Variants in FHIT observed in about 807,000 individuals in gnomAD.
FHIT encodes the protein bis(5'-adenosyl)-triphosphatase.
FHIT carries 19 observed loss-of-function variants against 17.9 expected under a neutral mutation model. The ratio of observed to expected loss-of-function variants is 1.06; its 90% CI spans 0.74 to 1.56. The LOEUF (loss-of-function observed/expected upper bound fraction) is 1.56. Ranked by LOEUF, FHIT falls within the 40% of genes most tolerant of loss-of-function variation. The pLI, the probability that FHIT is intolerant of heterozygous loss-of-function variation, is 0.00. For missense variants in FHIT, 248 were observed against 189.2 expected (o/e 1.31, Z -1.82); for synonymous variants, 81 against 69.7 (o/e 1.16, Z -0.81).
intron 8 of FHIT, among the ~76,000 whole-genome samples, chr3:59,834,664 C>T (rs993931202): frequency 9.2e-5 from 14 of 152,108 alleles, no homozygotes; most frequent in Non-Finnish European, 1.8e-4. Context: ...TATAAGGGCA[C>T]TAATCCCATT....
At chr3:59,796,109 A>G (rs924529893) in intron 8 of FHIT, among the ~76,000 whole-genome samples, 6 of 152,104 alleles carry the variant, frequency 3.9e-5, no homozygotes, top group Non-Finnish European at 1.5e-5. Flanking sequence ...GATTCTCCCT[A>G]ATTTGCTTTC....
At chr3:60,180,769 T>A (rs549076475) in intron 5 of FHIT, among the ~76,000 whole-genome samples, 2 of 152,276 alleles carry the variant, frequency 1.3e-5, no homozygotes, top group East Asian at 3.9e-4. Context: ...TATTTAAATT[T>A]TGGAATTTTA....
In FHIT at chr3:60,943,459, T is replaced by G. The variant is rs72891211; in HGVS notation, c.-111+98588A>C. Reference sequence around the variant, plus strand: ...AATGATATTTATATGATGTATTATGTCAATTTCATCTATTTTCTCTTAATC... The same window carrying G: ...AATGATATTTATATGATGTATTATGGCAATTTCATCTATTTTCTCTTAATC... On this transcript the variant is annotated intron_variant, in intron 3 of 9. Coordinates refer to ENST00000492590, the MANE Select transcript of FHIT (RefSeq NM_002012.4). Among the ~76,000 whole-genome samples, 1,295 of 152,282 alleles carry G rather than the reference T, an allele frequency of 8.5e-3. 18 individuals are homozygous for G. The highest frequency in any genetic ancestry group is 0.028 in the African/African-American group (1,184 of 41,566).
chr3:60,156,212 C>A (rs181221005), intron 5 of FHIT, among the ~76,000 whole-genome samples: 3 of 151,552 alleles, frequency 2.0e-5, no homozygotes, highest in Non-Finnish European at 4.4e-5. Context: ...ATTAGCAGGG[C>A]GTGGTGATGC....
chr3:60,029,879 T>G (rs538612950), intron 5 of FHIT, among the ~76,000 whole-genome samples: 1 of 131,402 alleles, frequency 7.6e-6, no homozygotes, highest in African/African-American at 2.8e-5. Flanking sequence ...CATAGAAGCA[T>G]TGTGTGTGTG....
chr3:60,247,572 A>C (rs1705467143), intron 5 of FHIT, among the ~76,000 whole-genome samples: 3 of 152,276 alleles, frequency 2.0e-5, no homozygotes, highest in African/African-American at 7.2e-5. Context: ...CAAAAACAGC[A>C]GTAATCTTAT....
intron 5 of FHIT, among the ~76,000 whole-genome samples, chr3:60,101,099 C>T (rs907783740): frequency 2.0e-5 from 3 of 152,216 alleles, no homozygotes; most frequent in Non-Finnish European, 4.4e-5. Flanking sequence ...GCAGTATCTG[C>T]TCTTAACTGA....
intron 8 of FHIT, among the ~76,000 whole-genome samples, chr3:59,849,238 T>C (rs772376791): frequency 3.9e-5 from 6 of 152,078 alleles, no homozygotes; most frequent in Non-Finnish European, 7.4e-5. Flanking sequence ...ACAGGTGTTG[T>C]GGTGCACGTC....
chr3:60,046,743 G>A (rs900163151), intron 5 of FHIT, among the ~76,000 whole-genome samples: 9 of 152,158 alleles, frequency 5.9e-5, no homozygotes, highest in African/African-American at 9.7e-5. Flanking sequence ...TAAACAGTGG[G>A]CTTGGTAGCA....
intron 4 of FHIT, among the ~76,000 whole-genome samples, chr3:60,696,292 A>G (rs1370226266): frequency 1.3e-5 from 2 of 152,170 alleles, no homozygotes; most frequent in Non-Finnish European, 2.9e-5. Context: ...AGTTCTCCAT[A>G]CGTTGAAAAG....
At chr3:60,091,498 T>C (rs1304116717) in intron 5 of FHIT, among the ~76,000 whole-genome samples, 1 of 152,154 alleles carries the variant, frequency 6.6e-6, no homozygotes, top group East Asian at 1.9e-4. Context: ...CAGAACATTC[T>C]TCTCTGGAGC....
At chr3:60,989,933 G>A (rs902603157) in intron 3 of FHIT, among the ~76,000 whole-genome samples, 4 of 152,094 alleles carry the variant, frequency 2.6e-5, no homozygotes, top group East Asian at 1.9e-4. Flanking sequence ...GGCAAGGGAC[G>A]CAATTTGATG....
At chr3:59,940,320 TA>T (rs34023165) in intron 7 of FHIT, among the ~76,000 whole-genome samples, 2 of 152,084 alleles carry the variant, frequency 1.3e-5, no homozygotes, top group Non-Finnish European at 2.9e-5. Flanking sequence ...ATCTTTCAGT[TA>T]AAAAAAATTC....
intron 4 of FHIT, among the ~76,000 whole-genome samples, chr3:60,761,571 A>G (rs1699658288): frequency 6.6e-6 from 1 of 151,912 alleles, no homozygotes; most frequent in Non-Finnish European, 1.5e-5. Flanking sequence ...TCAAGCAATT[A>G]TCAACATAGA....
chr3:60,262,606 ACCCT>A (rs1263990660), intron 5 of FHIT, among the ~76,000 whole-genome samples: 2 of 151,776 alleles, frequency 1.3e-5, no homozygotes, highest in Non-Finnish European at 2.9e-5. Flanking sequence ...AAGAGACCCA[ACCCT>A]TTTTACCTCT....
chr3:60,122,441 G>C (rs888000626), intron 5 of FHIT, among the ~76,000 whole-genome samples: 2 of 152,118 alleles, frequency 1.3e-5, no homozygotes, highest in Non-Finnish European at 2.9e-5. Flanking sequence ...TAGGAATTCA[G>C]GATACATGAA....
At chr3:60,920,320 A>C (rs1325317135) in intron 3 of FHIT, among the ~76,000 whole-genome samples, 1 of 152,184 alleles carries the variant, frequency 6.6e-6, no homozygotes, top group African/African-American at 2.4e-5. Context: ...TTAAGATTGC[A>C]GAAATTATCA....
chr3:59,829,414 C>T (rs373950563), intron 8 of FHIT, among the ~76,000 whole-genome samples: 26 of 152,132 alleles, frequency 1.7e-4, no homozygotes, highest in African/African-American at 6.3e-4. Context: ...TGTGAGAGCC[C>T]AGGGAGCCCT....
intron 1 of FHIT, among the ~76,000 whole-genome samples, chr3:61,228,889 C>G (rs1301728452): frequency 6.6e-6 from 1 of 152,188 alleles, no homozygotes; most frequent in African/African-American, 2.4e-5. Flanking sequence ...CTGAGCACTT[C>G]CTCTATACAA....
Sources: gnomAD v4.1 joint callset for allele counts (sites outside exome capture counted in the v4.1 genomes callset) on GRCh38, gnomAD v4.1.1 for gene constraint, MANE v1.5 for transcripts, NCBI Gene and HGNC (gene_info 2026-07-23, HGNC 2026-07-21) for gene names.